Variants in SDK2 observed in about 807,000 individuals in gnomAD.
SDK2 encodes the protein protein sidekick-2.
SDK2 carries 105 observed loss-of-function variants against 253.9 expected under a neutral mutation model. The observed-to-expected ratio is 0.41, with a 90% CI of 0.35 to 0.49. SDK2 has a LOEUF of 0.49. Among genes scored for constraint, SDK2 ranks in the 20% least tolerant of loss-of-function variants. The pLI, the probability that SDK2 is intolerant of heterozygous loss-of-function variation, is 0.06. For missense variants in SDK2, 2,608 were observed against 3,003.0 expected, an observed-to-expected ratio of 0.87 and a Z score of 3.07; for synonymous variants, 1,249 against 1,234.9, an observed-to-expected ratio of 1.01 and a Z score of -0.24.
At chr17:73,386,681 G>C (rs1233685870) in intron 30 of SDK2, 133 bp from the exon 31 acceptor site, 2 of 640,332 alleles carry the variant, frequency 3.1e-6, no homozygotes, top group Admixed American at 2.5e-5. Context: ...ACACAGAAGG[G>C]CACACTGAGG....
chr17:73,584,333 G>A (rs1398421245), intron 1 of SDK2, among the ~76,000 whole-genome samples: 3 of 152,202 alleles, frequency 2.0e-5, no homozygotes, highest in South Asian at 2.1e-4. Flanking sequence ...CTGCCTTGGC[G>A]GCCCCACCTA....
Position 73,455,355 on chromosome 17 carries a change from A to T in SDK2, c.479+551T>A, listed in dbSNP as rs2063518343. ...GCCCACAGGCTGGGCTGCCCCAGCCAATCCCAGGGGGCACACAGAGACGGC... is the reference window on the plus strand; with the variant it reads ...GCCCACAGGCTGGGCTGCCCCAGCCTATCCCAGGGGGCACACAGAGACGGC... On this transcript the variant is annotated intron_variant, in intron 4 of 44. Coordinates refer to ENST00000392650, the MANE Select transcript of SDK2 (RefSeq NM_001144952.2). The surrounding 1 kb of genome is among the most constrained non-coding windows in gnomAD (Gnocchi z 5.0). Among the ~76,000 whole-genome samples, 1 of 152,142 alleles carries T rather than the reference A, an allele frequency of 6.6e-6. No individual in the cohort carries two copies. Among genetic ancestry groups the T allele is most frequent in the Non-Finnish European group, 1.5e-5 (1 of 68,010 alleles).
chr17:73,424,833 G>A (rs1411522581), intron 12 of SDK2, among the ~76,000 whole-genome samples: 1 of 152,196 alleles, frequency 6.6e-6, no homozygotes, highest in Non-Finnish European at 1.5e-5. Flanking sequence ...TACAGGGTGG[G>A]GGCCTGAGCT....
chr17:73,343,987 G>C (rs898285571), intron 44 of SDK2, among the ~76,000 whole-genome samples: 15 of 152,182 alleles, frequency 9.9e-5, no homozygotes, highest in African/African-American at 3.4e-4. Context: ...GCCTGAAGCC[G>C]GCAGCGCATC....
chr17:73,402,212 G>A, intron 18 of SDK2, 71 bp from the exon 19 acceptor site: 1 of 1,497,516 alleles, frequency 6.7e-7, no homozygotes, highest in Non-Finnish European at 9.1e-7. Context: ...TCTCCCACAG[G>A]CTGGGCCAAT....
At chr17:73,502,749 A>G (rs1303023228) in intron 2 of SDK2, among the ~76,000 whole-genome samples, 1 of 152,258 alleles carries the variant, frequency 6.6e-6, no homozygotes, top group Non-Finnish European at 1.5e-5. Context: ...AAGACTCTTC[A>G]ATGGATACTA....
intron 1 of SDK2, among the ~76,000 whole-genome samples, chr17:73,550,757 C>T (rs141116577): frequency 1.3e-3 from 197 of 152,312 alleles, no homozygotes; most frequent in South Asian, 2.5e-3. Context: ...AGAAGCCCAG[C>T]GGGGGACAGT....
chr17:73,367,506 T>TC (rs903341552), intron 37 of SDK2, among the ~76,000 whole-genome samples: 1 of 129,926 alleles, frequency 7.7e-6, no homozygotes, highest in Non-Finnish European at 1.6e-5. Context: ...GCCTCTTGTC[T>TC]TTTTTTTTTT....
chr17:73,364,015 T>A (rs1049706850), intron 38 of SDK2, among the ~76,000 whole-genome samples: 2 of 150,804 alleles, frequency 1.3e-5, no homozygotes, highest in East Asian at 4.0e-4. Flanking sequence ...GTCACAACGA[T>A]GTTCCCAGGT....
chr17:73,384,629 G>A (rs1225340581), intron 32 of SDK2, among the ~76,000 whole-genome samples: 1 of 152,206 alleles, frequency 6.6e-6, no homozygotes, highest in Non-Finnish European at 1.5e-5. Context: ...TGACCAGCCT[G>A]GCCAACATGG....
At chr17:73,391,363 T>C in intron 28 of SDK2, 77 bp downstream of exon 28, 1 of 781,702 alleles carries the variant, frequency 1.3e-6, no homozygotes. Flanking sequence ...CTCAAGCTGG[T>C]AACGAAGTGG....
In SDK2 at chr17:73,435,706, G is replaced by T. The variant is rs1316147338; in HGVS notation, c.1001-62C>A. The T allele has an allele frequency of 4.2e-6, 6 of 1,425,464 alleles. No homozygotes were observed. Among genetic ancestry groups the T allele is most frequent in the Middle Eastern group, 2.0e-4 (1 of 5,078 alleles). The allele number at this position is 1,425,464 out of a possible 1,614,324, so 88.3% of individuals were successfully genotyped here. ...CCTGCCTCCTCTCCGCCTAGGAGGG[G>T]TGCTTGGGAGGAGGCCGGGCCCGGA... is the stretch of plus-strand genomic sequence containing the variant. On this transcript the variant is annotated intron_variant, in intron 8 of 44. Transcript: ENST00000392650. The surrounding 1 kb of genome is among the most constrained non-coding windows in gnomAD (Gnocchi z 5.7).
chr17:73,550,823 G>A (rs1290170160), intron 1 of SDK2, among the ~76,000 whole-genome samples: 1 of 152,218 alleles, frequency 6.6e-6, no homozygotes, highest in Non-Finnish European at 1.5e-5. Flanking sequence ...AGGCCGGAGG[G>A]GTCCAGGGAG....
intron 3 of SDK2, among the ~76,000 whole-genome samples, chr17:73,462,779 C>T (rs1431584584): frequency 6.6e-6 from 1 of 152,152 alleles, no homozygotes; most frequent in Non-Finnish European, 1.5e-5. Flanking sequence ...CCCCTTTCCT[C>T]CACTTCTCCA....
At chr17:73,576,958 C>T (rs924053520) in intron 1 of SDK2, among the ~76,000 whole-genome samples, 1 of 152,200 alleles carries the variant, frequency 6.6e-6, no homozygotes, top group Admixed American at 6.5e-5. Flanking sequence ...ACACTGTGGC[C>T]TCTGAACAGC....
chr17:73,492,289 C>T (rs2063810991), intron 2 of SDK2, among the ~76,000 whole-genome samples: 1 of 152,118 alleles, frequency 6.6e-6, no homozygotes, highest in Non-Finnish European at 1.5e-5. Flanking sequence ...GGTAGCTGAG[C>T]AGAGTAGCTA....
At chr17:73,409,544 C>T (rs984362919) in intron 18 of SDK2, among the ~76,000 whole-genome samples, 3 of 151,836 alleles carry the variant, frequency 2.0e-5, no homozygotes, top group South Asian at 2.1e-4. Flanking sequence ...GCACAAGAAT[C>T]GCTTGAACCC....
In SDK2 at chr17:73,534,818, TG is replaced by T. The variant is rs561831922; in HGVS notation, c.65-27222del. The stretch of plus-strand genomic sequence containing the variant: ...TAAACTCCCCTTCTTCTCAGTAGGC[TG>T]GGGGCAGCGGGCCGGGCTCCCTGGA... On this transcript the variant is annotated intron_variant, in intron 1 of 44. Transcript: ENST00000392650. This position sits in a 1 kb window ranked among gnomAD's most constrained non-coding sequence, Gnocchi z 4.9. Among the ~76,000 whole-genome samples the T allele has an allele frequency of 9.9e-5, 15 of 152,210 alleles. No individual in the cohort carries two copies. The highest frequency in any genetic ancestry group is 2.9e-4 in the African/African-American group (12 of 41,538).
intron 1 of SDK2, among the ~76,000 whole-genome samples, chr17:73,549,629 A>T (rs2045023644): frequency 6.6e-6 from 1 of 151,866 alleles, no homozygotes; most frequent in Non-Finnish European, 1.5e-5. Context: ...GCCCTGAAGG[A>T]TGGATGGGAG....
Sources: gnomAD v4.1 joint callset for allele counts (sites outside exome capture counted in the v4.1 genomes callset) on GRCh38, gnomAD v4.1.1 for gene constraint, Gnocchi (gnomAD v3.1) non-coding constraint, MANE v1.5 for transcripts, NCBI Gene and HGNC (gene_info 2026-07-23, HGNC 2026-07-21) for gene names.